ARPC3: variants seen among roughly 807,000 people sequenced by gnomAD.
ARPC3 encodes the protein actin related protein 2/3 complex subunit 3.
ARPC3 carries 12 observed loss-of-function variants against 27.6 expected under a neutral mutation model. That is an observed-to-expected ratio of 0.43 (90% CI 0.28 to 0.70). ARPC3 has a LOEUF of 0.70. Ranked by LOEUF, ARPC3 falls within the 30% of genes least tolerant of loss-of-function variation. The probability of loss-of-function intolerance (pLI) is 0.17; values close to 1 mark genes in which losing one functional copy is unlikely to be tolerated. For missense variants in ARPC3, 153 were observed against 207.7 expected (o/e 0.74, Z 1.62); for synonymous variants, 53 against 67.2 (o/e 0.79, Z 1.03).
intron 2 of ARPC3, among the ~76,000 whole-genome samples, chr12:110,443,836 G>C (rs1022285413): frequency 6.6e-6 from 1 of 152,192 alleles, no homozygotes; most frequent in Non-Finnish European, 1.5e-5. Flanking sequence ...AGGGGGCAAA[G>C]GCCAAAGGAT....
At chr12:110,436,347 A>G in intron 5 of ARPC3, 143 bp from the exon 6 acceptor site, 1 of 1,103,316 alleles carries the variant, frequency 9.1e-7, no homozygotes, top group East Asian at 2.5e-5. Flanking sequence ...AGATAGTTTT[A>G]TAACTATATT....
At chr12:110,441,924 CG>C (rs1007293522) in intron 2 of ARPC3, among the ~76,000 whole-genome samples, 18 of 151,010 alleles carry the variant, frequency 1.2e-4, no homozygotes, top group African/African-American at 4.4e-4. Flanking sequence ...CCCAGCTATT[CG>C]GGAGGCTAAG....
intron 1 of ARPC3, 50 bp downstream of exon 1, chr12:110,450,205 T>C (rs2062493782): frequency 1.2e-6 from 2 of 1,613,010 alleles, no homozygotes. Context: ...GGTTTCTCTC[T>C]GCTCTTCGCA....
At chr12:110,443,631 C>T (rs550417345) in intron 2 of ARPC3, among the ~76,000 whole-genome samples, 224 of 152,006 alleles carry the variant, frequency 1.5e-3, no homozygotes, top group East Asian at 2.1e-3. Context: ...CAGAGTTTCA[C>T]CATGTTGGCC....
In ARPC3 at chr12:110,436,711, TACACACACACACACAC is replaced by T. The variant is rs375877607; in HGVS notation, c.253-44_253-29del. The T allele has an allele frequency of 5.8e-4, 221 of 382,252 alleles. 3 individuals are homozygous for T. The highest frequency in any genetic ancestry group is 3.0e-3 in the South Asian group (114 of 38,280). 23.7% of individuals were successfully genotyped at this position (382,252 alleles called of 1,614,324 possible). ...GGAAAAAAAAATATATATATATATA[TACACACACACACACAC>T]ACACACACACACACACACACACACA... On this transcript the variant is annotated intron_variant, in intron 4 of 6. Coordinates refer to ENST00000228825, the MANE Select transcript of ARPC3 (RefSeq NM_001278556.2).
At chr12:110,446,111 A>C (rs1158540704) in intron 1 of ARPC3, among the ~76,000 whole-genome samples, 1 of 151,910 alleles carries the variant, frequency 6.6e-6, no homozygotes, top group African/African-American at 2.4e-5. Flanking sequence ...AAAAAAAAAA[A>C]AAAAGTAAAT....
intron 3 of ARPC3, chr12:110,437,388 G>A: frequency 2.2e-6 from 1 of 452,214 alleles, no homozygotes; most frequent in Non-Finnish European, 4.1e-6. Flanking sequence ...TTTTTTTTGA[G>A]ACGGAGTCTT....
intron 4 of ARPC3, 30 bp from the exon 5 acceptor site, chr12:110,436,713 C>CACACACAT: frequency 1.5e-5 from 2 of 129,896 alleles, no homozygotes; most frequent in Non-Finnish European, 3.0e-5. Context: ...TATATATATA[C>CACACACAT]ACACACACAC....
At position 110,435,048 on chromosome 12, in the gene ARPC3, C is replaced by G. The variant is rs997471475; in HGVS notation, c.*107G>C. 1.7e-5 allele frequency: 15 copies of G among 865,560 alleles called. No individual in the cohort carries two copies. The highest frequency in any genetic ancestry group is 5.8e-5 in the Admixed American group (3 of 51,402). The allele number at this position is 865,560 out of a possible 1,614,324, so 53.6% of individuals were successfully genotyped here. On this transcript the variant is annotated 3_prime_UTR_variant, in exon 7 of 7. Transcript: ENST00000228825. ...AGAGTTTTTCAAGTAAAGACATGCT[C>G]TTCTCTCTTCTGTATAAAACTTTAC...
chr12:110,435,604 A>T (rs1370554178), intron 6 of ARPC3, among the ~76,000 whole-genome samples: 1 of 152,106 alleles, frequency 6.6e-6, no homozygotes, highest in Non-Finnish European at 1.5e-5. Context: ...TGCTGGGATT[A>T]GAGGCGTGAG....
intron 2 of ARPC3, 53 bp downstream of exon 2, chr12:110,445,399 A>G: frequency 7.5e-7 from 1 of 1,326,854 alleles, no homozygotes; most frequent in Non-Finnish European, 1.1e-6. Flanking sequence ...ATCATTTCAG[A>G]AGATTGTTAG....
chr12:110,438,849 G>T (rs2062420153), intron 3 of ARPC3, among the ~76,000 whole-genome samples: 1 of 151,474 alleles, frequency 6.6e-6, no homozygotes, highest in Non-Finnish European at 1.5e-5. Context: ...CCCCATGTTG[G>T]TCAGGCTGGT....
At chr12:110,441,076 C>A (rs2062434480) in intron 2 of ARPC3, among the ~76,000 whole-genome samples, 1 of 151,394 alleles carries the variant, frequency 6.6e-6, no homozygotes, top group African/African-American at 2.4e-5. Context: ...ATCTCCTGAC[C>A]TCGTGATCCG....
intron 2 of ARPC3, 132 bp from the exon 3 acceptor site, chr12:110,440,520 A>AT: frequency 1.5e-6 from 1 of 684,584 alleles, no homozygotes; most frequent in East Asian, 2.7e-5. Context: ...AAATGATCCT[A>AT]TTGAAATACA....
At position 110,448,790 on chromosome 12, in the gene ARPC3, G is replaced by GGC. The variant is rs1555296507; in HGVS notation, c.6+1464_6+1465insGC. 2.1e-3 allele frequency among the ~76,000 whole-genome samples: 200 copies of GGC among 93,090 alleles called. 9 individuals carry two copies. Among genetic ancestry groups the GGC allele is most frequent in the South Asian group, 6.3e-3 (12 of 1,892 alleles). The allele number at this position is 93,090 out of a possible 152,430, so 61.1% of individuals were successfully genotyped here. On this transcript the variant is annotated intron_variant, in intron 1 of 6. Transcript: ENST00000228825. ...GCTTCTTTTTTTCCGGGGGGGGGGGGGGTGGTGGTACAGAGTCTCACTCTG... is the reference window on the plus strand; with the variant it reads ...GCTTCTTTTTTTCCGGGGGGGGGGGGGCGGTGGTGGTACAGAGTCTCACTCTG...
At chr12:110,436,975 A>G in intron 4 of ARPC3, 109 bp downstream of exon 4, 1 of 851,242 alleles carries the variant, frequency 1.2e-6, no homozygotes, top group South Asian at 1.4e-5. Flanking sequence ...AAGTCAGAGG[A>G]AATATTTTCT....
intron 1 of ARPC3, among the ~76,000 whole-genome samples, chr12:110,448,973 ACCAT>A (rs2062482842): frequency 6.6e-6 from 1 of 151,384 alleles, no homozygotes; most frequent in Non-Finnish European, 1.5e-5. Context: ...ATGGGGTTTC[ACCAT>A]GTTGGCCAGG....
rs1418347474 is a variant in ARPC3, at chr12:110,437,160, G to A, written c.184-8C>T. ...GGTCCTATCAGCTTCATTCTACAGG[G>A]AGAAAAAGAAGACTTAAAAACAGTT... On this transcript the variant is annotated splice_region_variant and splice_polypyrimidine_tract_variant and intron_variant, in intron 3 of 6. Coordinates refer to ENST00000228825, the MANE Select transcript of ARPC3 (RefSeq NM_001278556.2). 1.3e-6 allele frequency: 2 copies of A among 1,563,640 alleles called. No individual in the cohort carries two copies. Among genetic ancestry groups the A allele is most frequent in the Non-Finnish European group, 1.8e-6 (2 of 1,135,858 alleles).
At chr12:110,436,489 G>A (rs1414964793) in intron 5 of ARPC3, 68 bp downstream of exon 5, 4 of 1,597,368 alleles carry the variant, frequency 2.5e-6, no homozygotes, top group South Asian at 1.1e-5. Flanking sequence ...AGAAAAAGAG[G>A]GGTGGTAGGA....
Sources: allele counts gnomAD v4.1 joint callset (sites outside exome capture counted in the v4.1 genomes callset), GRCh38; gene constraint gnomAD v4.1.1; transcripts MANE v1.5; gene names NCBI Gene and HGNC (gene_info 2026-07-23, HGNC 2026-07-21).